ZNF106: variants seen among roughly 807,000 people sequenced by gnomAD.
The protein encoded by ZNF106 is SH3-domain binding protein 3.
ZNF106 carries 67 observed loss-of-function variants against 195.1 expected under a neutral mutation model. That is an observed-to-expected ratio of 0.34 (90% confidence interval 0.28 to 0.42). The LOEUF (loss-of-function observed/expected upper bound fraction) is 0.42. Ranked by LOEUF, ZNF106 falls within the 10% of genes least tolerant of loss-of-function variation. ZNF106 has a pLI of 1.00. For missense variants in ZNF106, 2,118 were observed against 2,304.5 expected (o/e 0.92, Z 1.66); for synonymous variants, 784 against 818.6 (o/e 0.96, Z 0.72).
intron 14 of ZNF106, among the ~76,000 whole-genome samples, chr15:42,433,597 C>T (rs550179153): frequency 1.5e-4 from 23 of 151,654 alleles, no homozygotes; most frequent in Middle Eastern, 3.4e-3. Flanking sequence ...ATTCTCCAGC[C>T]TCAGCCTCCC....
At chr15:42,423,977 C>T (rs1566995813) in intron 17 of ZNF106, 21 bp downstream of exon 17, 3 of 1,588,442 alleles carry the variant, frequency 1.9e-6, no homozygotes, top group Non-Finnish European at 2.6e-6. Flanking sequence ...AGTTTCTTTA[C>T]ACAACACCAA....
chr15:42,437,600 T>C (rs1258933145), intron 12 of ZNF106, among the ~76,000 whole-genome samples: 1 of 152,072 alleles, frequency 6.6e-6, no homozygotes, highest in Non-Finnish European at 1.5e-5. Flanking sequence ...AGGAAAAAGA[T>C]AGATAATTAT....
intron 18 of ZNF106, 25 bp from the exon 19 acceptor site, chr15:42,422,013 A>C: frequency 6.4e-7 from 1 of 1,562,392 alleles, no homozygotes; most frequent in Non-Finnish European, 8.7e-7. Flanking sequence ...AAAAAAGAGA[A>C]TTGAAGTTAT....
intron 7 of ZNF106, 117 bp from the exon 8 acceptor site, chr15:42,445,098 G>T: frequency 8.2e-7 from 1 of 1,213,238 alleles, no homozygotes; most frequent in Non-Finnish European, 1.1e-6. Flanking sequence ...CTCCTCAGTA[G>T]GTCATTGGAA....
intron 13 of ZNF106, 140 bp downstream of exon 13, chr15:42,437,092 G>C: frequency 1.2e-6 from 1 of 827,480 alleles, no homozygotes; most frequent in East Asian, 2.8e-5. Context: ...TGAGCTTCTG[G>C]ATTAAATGCA....
Position 42,414,606 on chromosome 15 carries a change from C to T in ZNF106, c.*2698G>A, listed in dbSNP as rs567748943. 1 of 152,420 alleles carries T rather than the reference C, an allele frequency of 6.6e-6. No homozygotes were observed. Among genetic ancestry groups the T allele is most frequent in the Non-Finnish European group, 1.5e-5 (1 of 68,068 alleles). The allele number at this position is 152,420 out of a possible 1,614,324, so 9.4% of individuals were successfully genotyped here. The stretch of plus-strand genomic sequence containing the variant: ...ATCAGAGTTCTTACCGATTCTACCA[C>T]TCTGTAATACTCTCAGAAGTTCCCA... On this transcript the variant is annotated 3_prime_UTR_variant, in exon 22 of 22. Coordinates refer to ENST00000564754, the MANE Select transcript of ZNF106 (RefSeq NM_001366845.3).
chr15:42,469,904 C>A (rs1461693857), intron 2 of ZNF106, among the ~76,000 whole-genome samples: 1 of 151,240 alleles, frequency 6.6e-6, no homozygotes, highest in Non-Finnish European at 1.5e-5. Flanking sequence ...GAAAAAAGAT[C>A]CACAGGCACA....
At chr15:42,480,718 C>T (rs1043478593) in intron 1 of ZNF106, among the ~76,000 whole-genome samples, 55 of 152,310 alleles carry the variant, frequency 3.6e-4, no homozygotes, top group African/African-American at 9.9e-4. Flanking sequence ...GGCTTGGTGG[C>T]TCACGCCTGA....
In ZNF106 at chr15:42,421,051, C is replaced by G. The variant is rs1432432338; in HGVS notation, c.5517+10G>C. ...AGAAGTCCAGTGACAGGAAGAGTTT[C>G]ACTCCTTACCCAACAGCGGTAATTC... On this transcript the variant is annotated intron_variant, in intron 20 of 21. Transcript: ENST00000564754. 1 of 1,613,798 alleles carries G rather than the reference C, an allele frequency of 6.2e-7. No homozygotes were observed. Among genetic ancestry groups the G allele is most frequent in the East Asian group, 2.2e-5 (1 of 44,892 alleles).
At chr15:42,425,979 G>C (rs2054842144) in intron 15 of ZNF106, among the ~76,000 whole-genome samples, 1 of 152,132 alleles carries the variant, frequency 6.6e-6, no homozygotes, top group Non-Finnish European at 1.5e-5. Context: ...TGTTCATTAA[G>C]CCTCCCACTT....
chr15:42,477,975 GTTATTTAT>G (rs909302210), intron 1 of ZNF106, among the ~76,000 whole-genome samples: 47 of 151,252 alleles, frequency 3.1e-4, no homozygotes, highest in Admixed American at 5.3e-4. Flanking sequence ...TTGATACACT[GTTATTTAT>G]TTATTTATTT....
chr15:42,456,328 C>T (rs1373894835), intron 4 of ZNF106, among the ~76,000 whole-genome samples: 2 of 152,052 alleles, frequency 1.3e-5, no homozygotes, highest in African/African-American at 4.8e-5. Flanking sequence ...ATTTAAACGC[C>T]AAATAAAAAC....
At chr15:42,468,225 C>T (rs943481769) in intron 2 of ZNF106, among the ~76,000 whole-genome samples, 1 of 151,452 alleles carries the variant, frequency 6.6e-6, no homozygotes, top group East Asian at 2.0e-4. Context: ...TACAGGCATG[C>T]GCCACTATGC....
At chr15:42,466,161 A>C in intron 2 of ZNF106, 47 bp from the exon 3 acceptor site, 1 of 1,130,386 alleles carries the variant, frequency 8.8e-7, no homozygotes, top group Non-Finnish European at 1.1e-6. Flanking sequence ...GATTGCTTTG[A>C]AAAAAAAAAA....
intron 18 of ZNF106, 115 bp downstream of exon 18, chr15:42,422,386 G>C: frequency 7.4e-7 from 1 of 1,343,400 alleles, no homozygotes. Context: ...TAGAATGCTT[G>C]TGAAAATACA....
intron 3 of ZNF106, 148 bp from the exon 4 acceptor site, chr15:42,457,306 C>A: frequency 6.6e-7 from 1 of 1,509,510 alleles, no homozygotes; most frequent in Non-Finnish European, 8.8e-7. Context: ...CCTTTCATCA[C>A]TTTTAATAAG....
At chr15:42,423,060 A>T (rs2054727136) in intron 17 of ZNF106, among the ~76,000 whole-genome samples, 1 of 151,938 alleles carries the variant, frequency 6.6e-6, no homozygotes, top group Non-Finnish European at 1.5e-5. Context: ...TCTGTTGTTC[A>T]TTTTTTTAAG....
chr15:42,448,442 C>G lies in ZNF106; in HGVS notation c.2765G>C (p.Arg922Thr). 1 of 1,614,130 alleles carries G rather than the reference C, an allele frequency of 6.2e-7. No individual in the cohort carries two copies. The highest frequency in any genetic ancestry group is 1.3e-5 in the African/African-American group (1 of 75,040). Residue 922 changes from arginine to threonine, a missense_variant, in exon 6 of 22, where the codon AGG becomes ACG. Physicochemically the swap from Arg to Thr is moderately conservative, Grantham distance 71 (BLOSUM62 -1). Coordinates refer to ENST00000564754, the MANE Select transcript of ZNF106 (RefSeq NM_001366845.3). ...QQMVSPSNSLRAGQSQKATMH... is the reference protein window; with the variant it reads ...QQMVSPSNSLTAGQSQKATMH... ...GGTTGCTTTCTGGCTCTGTCCAGCC[C>G]TCAATGAGTTACTAGGTGAAACCAT...
intron 6 of ZNF106, among the ~76,000 whole-genome samples, chr15:42,446,869 G>A (rs896404159): frequency 1.3e-5 from 2 of 152,186 alleles, no homozygotes; most frequent in Admixed American, 1.3e-4. Context: ...CCAGGGTGAA[G>A]TGCCTCCTAG....
Sources: allele counts gnomAD v4.1 joint callset (sites outside exome capture counted in the v4.1 genomes callset), GRCh38; gene constraint gnomAD v4.1.1; transcripts MANE v1.5; gene names NCBI Gene and HGNC (gene_info 2026-07-23, HGNC 2026-07-21).